The following AGL variants were observed in gnomAD, a reference collection of about 807,000 sequenced individuals.
AGL encodes the protein glycogen debranching enzyme.
Under a neutral mutation model 199.3 loss-of-function variants are expected in AGL, and 128 were observed. That is an observed-to-expected ratio of 0.64 (90% CI 0.56 to 0.74). The LOEUF is 0.74. AGL is among the 30% of genes least tolerant of loss of function. The pLI, the probability that AGL is intolerant of heterozygous loss-of-function variation, is 0.00. For synonymous variants in AGL, 584 were observed against 594.7 expected (o/e 0.98, Z 0.26); for missense variants, 1,809 against 1,820.8 (o/e 0.99, Z 0.12).
chr1:99,909,907 A>G (rs755918058), intron 27 of AGL, among the ~76,000 whole-genome samples: 1 of 152,166 alleles, frequency 6.6e-6, no homozygotes, highest in Non-Finnish European at 1.5e-5. Context: ...TACTTATGCT[A>G]TATATTACAT....
Position 99,866,826 on chromosome 1 carries a change from A to ATT in AGL, c.664+2245_664+2246dup, listed in dbSNP as rs10631915. On this transcript the variant is annotated intron_variant, in intron 5 of 33. Transcript: ENST00000361915. The stretch of plus-strand genomic sequence containing the variant: ...TTTATTTATTTATTTTATTTATTTT[A>ATT]TTTTTTTTTGAGATGGAGTTTCACT... Among the ~76,000 whole-genome samples, 152 of 148,838 alleles carry ATT rather than the reference A, an allele frequency of 1.0e-3. 2 individuals are homozygous for ATT. Among genetic ancestry groups the ATT allele is most frequent in the African/African-American group, 3.0e-3 (121 of 40,592 alleles).
Position 99,891,739 on chromosome 1 carries a change from G to C in AGL, c.3083G>C (p.Ser1028Thr). ...GATACAGCATGGAAGCAGATGTCAA[G>C]GTATATCCAACAAAGCTTGAATAAA... ...LLDTAWKQMS[S>T]FVQNGSTFVK... Residue 1028 changes from serine to threonine, a missense_variant and splice_region_variant, in exon 23 of 34, where the codon AGC becomes ACC. Transcript: ENST00000361915. 1 of 1,613,292 alleles carries C rather than the reference G, an allele frequency of 6.2e-7. No individual in the cohort carries two copies.
intron 19 of AGL, 27 bp downstream of exon 19, chr1:99,884,478 A>C (rs760456883): frequency 1.1e-5 from 17 of 1,600,962 alleles, no homozygotes; most frequent in Non-Finnish European, 1.5e-5. Flanking sequence ...CAAACTGTTG[A>C]CTTTACTTAT....
At chr1:99,886,331 T>C (rs1471979925) in intron 20 of AGL, among the ~76,000 whole-genome samples, 2 of 152,012 alleles carry the variant, frequency 1.3e-5, no homozygotes, top group Non-Finnish European at 2.9e-5. Context: ...TTAAAAAAAT[T>C]AGCTGGAAGT....
intron 2 of AGL, among the ~76,000 whole-genome samples, chr1:99,857,838 G>C (rs1214161367): frequency 7.6e-6 from 1 of 131,786 alleles, no homozygotes; most frequent in African/African-American, 2.8e-5. Flanking sequence ...CGTGGGGAGG[G>C]GGAGGGGGAG....
chr1:99,863,574 TC>T (rs1650250856), intron 4 of AGL, among the ~76,000 whole-genome samples: 1 of 151,932 alleles, frequency 6.6e-6, no homozygotes, highest in Non-Finnish European at 1.5e-5. Context: ...TGCCTCAGCC[TC>T]CCGAGTAGCT....
At chr1:99,880,457 G>A (rs1651919624) in intron 13 of AGL, among the ~76,000 whole-genome samples, 175 bp from the exon 14 acceptor site, 1 of 152,058 alleles carries the variant, frequency 6.6e-6, no homozygotes. Flanking sequence ...TTAAGTTATG[G>A]GGAAAACTTT....
intron 2 of AGL, chr1:99,852,473 A>G (rs1174534294): frequency 8.6e-6 from 5 of 584,090 alleles, no homozygotes; most frequent in African/African-American, 3.8e-5. Flanking sequence ...GGGCTCAAGC[A>G]GTTCTCCTGC....
intron 13 of AGL, among the ~76,000 whole-genome samples, chr1:99,880,283 C>T (rs1000269065): frequency 2.0e-5 from 3 of 152,196 alleles, no homozygotes; most frequent in Admixed American, 6.5e-5. Context: ...ACTGAAGACT[C>T]ACTAACAAAA....
chr1:99,865,992 G>C (rs1481154726), intron 5 of AGL, among the ~76,000 whole-genome samples: 1 of 152,140 alleles, frequency 6.6e-6, no homozygotes, highest in East Asian at 1.9e-4. Flanking sequence ...ATTAAGCCAG[G>C]TGCTGTGGCT....
chr1:99,895,123 A>C (rs1653199344), intron 24 of AGL, among the ~76,000 whole-genome samples: 1 of 152,062 alleles, frequency 6.6e-6, no homozygotes. Flanking sequence ...ATCTCGGCTC[A>C]CTGCAACCTC....
At chr1:99,863,737 C>G (rs563775765) in intron 4 of AGL, among the ~76,000 whole-genome samples, 9 of 149,442 alleles carry the variant, frequency 6.0e-5, no homozygotes, top group African/African-American at 2.0e-4. Context: ...GCATGAGCCA[C>G]TGCGCCTGGC....
intron 17 of AGL, among the ~76,000 whole-genome samples, chr1:99,882,382 AACAT>A (rs1456215712): frequency 6.6e-6 from 1 of 152,184 alleles, no homozygotes; most frequent in Admixed American, 6.5e-5. Flanking sequence ...TATATGCACA[AACAT>A]ACATACAAAC....
Position 99,891,696 on chromosome 1 carries a change from G to A in AGL, c.3040G>A (p.Ala1014Thr), listed in dbSNP as rs1652913374. Residue 1014 changes from alanine (A) to threonine (T), a missense_variant, in exon 23 of 34, where the codon GCA becomes ACA. By Grantham distance (58) the Ala-to-Thr change is moderately conservative (BLOSUM62 0). Transcript: ENST00000361915. ...TTACTTTGATGCTATATTAATTGGT[G>A]CATATACCACTCTTCTGGATACAGC... is the stretch of plus-strand genomic sequence containing the variant. ...PCYFDAILIG[A>T]YTTLLDTAWK... 1.2e-6 allele frequency: 2 copies of A among 1,613,534 alleles called. No individual in the cohort carries two copies. Among genetic ancestry groups the A allele is most frequent in the Non-Finnish European group, 1.7e-6 (2 of 1,179,622 alleles).
intron 21 of AGL, among the ~76,000 whole-genome samples, chr1:99,890,393 T>C (rs1652784784): frequency 6.6e-6 from 1 of 152,128 alleles, no homozygotes. Flanking sequence ...AACATCTTTA[T>C]GTTTTAAGCT....
chr1:99,913,345 T>G (rs1236253951), intron 29 of AGL, among the ~76,000 whole-genome samples, 182 bp from the exon 30 acceptor site: 1 of 152,242 alleles, frequency 6.6e-6, no homozygotes, highest in Non-Finnish European at 1.5e-5. Context: ...TACATCTTCA[T>G]AATCCAGCTT....
rs1465350390 is a variant in AGL, at chr1:99,922,573, A to G, written c.*922A>G. On this transcript the variant is annotated 3_prime_UTR_variant, in exon 34 of 34. Transcript: ENST00000361915. ...ACAAAAATATGGATATGAATTCAGT[A>G]GATATCTTAAATTCAATAAAATCAC... The G allele has an allele frequency of 1.3e-5, 2 of 151,868 alleles. No individual in the cohort carries two copies. Among genetic ancestry groups the G allele is most frequent in the Admixed American group, 1.3e-4 (2 of 15,258 alleles). 9.4% of individuals were successfully genotyped at this position (151,868 alleles called of 1,614,324 possible).
At position 99,923,216 on chromosome 1, in the gene AGL, C is replaced by A. The variant is rs1380882638; in HGVS notation, c.*1565C>A. On this transcript the variant is annotated 3_prime_UTR_variant, in exon 34 of 34. Coordinates refer to ENST00000361915, the MANE Select transcript of AGL (RefSeq NM_000642.3). The stretch of plus-strand genomic sequence containing the variant: ...ATACATTGGACATTGGTTTCCAAAT[C>A]TCCCTTTCTTCTTCAGTTCCTTCCT... 1.3e-5 allele frequency: 2 copies of A among 152,276 alleles called. No homozygotes were observed. The highest frequency in any genetic ancestry group is 4.8e-5 in the African/African-American group (2 of 41,584). 9.4% of individuals were successfully genotyped at this position (152,276 alleles called of 1,614,324 possible).
At position 99,882,119 on chromosome 1, in the gene AGL, A is replaced by AGAGT. The variant is rs935585923; in HGVS notation, c.2308+432_2308+435dup. ...CCACCACTGCACTCTACTGGGTGAT[A>AGAGT]GAGTGAGACCCTATCTCAAAAAAAA... On this transcript the variant is annotated intron_variant, in intron 17 of 33. Transcript: ENST00000361915. Among the ~76,000 whole-genome samples the AGAGT allele has an allele frequency of 3.4e-4, 51 of 150,390 alleles. 1 individual carries two copies. Among genetic ancestry groups the AGAGT allele is most frequent in the African/African-American group, 1.2e-3 (49 of 40,762 alleles).
Sources: gnomAD v4.1 joint callset for allele counts (sites outside exome capture counted in the v4.1 genomes callset) on GRCh38, gnomAD v4.1.1 for gene constraint, MANE v1.5 for transcripts, NCBI Gene and HGNC (gene_info 2026-07-23, HGNC 2026-07-21) for gene names.